UVRAG: variants seen among roughly 807,000 people sequenced by gnomAD.
The protein encoded by UVRAG is UV radiation resistance-associated gene protein.
In UVRAG, 19 loss-of-function variants were observed where a neutral mutation model predicts 78.0. That is an observed-to-expected ratio of 0.24 (90% confidence interval 0.17 to 0.36). The LOEUF (loss-of-function observed/expected upper bound fraction) is 0.36, where lower values mean the gene tolerates loss of function less well. Ranked by LOEUF, UVRAG falls within the 10% of genes least tolerant of loss-of-function variation. The pLI is 1.00. For synonymous variants in UVRAG, 323 were observed against 324.6 expected, an observed-to-expected ratio of 1.00 and a Z score of 0.05; for missense variants, 740 against 853.8, an observed-to-expected ratio of 0.87 and a Z score of 1.66.
intron 13 of UVRAG, among the ~76,000 whole-genome samples, chr11:76,114,799 C>G (rs1952145952): frequency 6.6e-6 from 1 of 152,114 alleles, no homozygotes; most frequent in African/African-American, 2.4e-5. Flanking sequence ...TGTTGTCTTA[C>G]TCTGAAGGCC....
At chr11:75,896,222 G>T (rs1367912941) in intron 5 of UVRAG, among the ~76,000 whole-genome samples, 1 of 152,086 alleles carries the variant, frequency 6.6e-6, no homozygotes, top group Non-Finnish European at 1.5e-5. Flanking sequence ...GGTGAATAAG[G>T]CTGGGTGACC....
intron 6 of UVRAG, among the ~76,000 whole-genome samples, chr11:75,933,931 G>T (rs558015914): frequency 5.3e-4 from 81 of 152,252 alleles, no homozygotes; most frequent in Non-Finnish European, 4.1e-4. Flanking sequence ...CCACTATGGA[G>T]AATAGTTTGG....
rs371008199 is a variant in UVRAG, at chr11:75,882,443, G to T, written c.432+2403G>T. On this transcript the variant is annotated intron_variant, in intron 4 of 14. Transcript: ENST00000356136. ...TGGGAGAATTGCTTGAACCGGGGAG[G>T]TGGAGGTTGTAATGAACCGAGATGG... Among the ~76,000 whole-genome samples, 5 of 151,858 alleles carry T rather than the reference G, an allele frequency of 3.3e-5. No homozygotes were observed. The East Asian group carries it at 9.7e-4, about 29-fold the overall frequency.
chr11:75,964,770 T>C (rs563109498), intron 7 of UVRAG, among the ~76,000 whole-genome samples: 1 of 152,324 alleles, frequency 6.6e-6, no homozygotes, highest in East Asian at 1.9e-4. Context: ...GGTGTGGTTC[T>C]ATAGTTCATT....
chr11:76,032,507 A>G (rs1483864770), intron 12 of UVRAG, among the ~76,000 whole-genome samples: 1 of 152,224 alleles, frequency 6.6e-6, no homozygotes, highest in Admixed American at 6.5e-5. Context: ...AAGAAAGCCA[A>G]CCATGTTTAT....
At chr11:76,025,148 G>A (rs961584418) in intron 12 of UVRAG, among the ~76,000 whole-genome samples, 4 of 152,154 alleles carry the variant, frequency 2.6e-5, no homozygotes, top group African/African-American at 9.7e-5. Flanking sequence ...ATACTGTAAA[G>A]GGAAACTCTG....
chr11:75,948,330 G>A (rs972616960), intron 6 of UVRAG, among the ~76,000 whole-genome samples: 1 of 152,150 alleles, frequency 6.6e-6, no homozygotes, highest in Non-Finnish European at 1.5e-5. Flanking sequence ...GAAAAGGGCA[G>A]AGATTAAAAA....
chr11:75,818,727 T>C (rs1945320660), intron 1 of UVRAG, among the ~76,000 whole-genome samples: 1 of 152,150 alleles, frequency 6.6e-6, no homozygotes, highest in Admixed American at 6.6e-5. Context: ...TCCTCCCACC[T>C]CGGCCTCCCA....
intron 8 of UVRAG, among the ~76,000 whole-genome samples, chr11:75,989,610 A>T (rs1949567706): frequency 1.3e-5 from 2 of 152,198 alleles, no homozygotes; most frequent in African/African-American, 4.8e-5. Context: ...TTTTACCTCT[A>T]TACTTGCTTT....
rs1952717738 is a variant in UVRAG at position 76,141,237 on chromosome 11, G to A, written c.1924G>A (p.Gly642Ser). Reference sequence around the variant, plus strand: ...AGAAATCATCGGGCTGGAAGCCACAGGTTTCGCCTCAGGTGATCAGCTAGA... The same window carrying A: ...AGAAATCATCGGGCTGGAAGCCACAAGTTTCGCCTCAGGTGATCAGCTAGA... Reference protein sequence around the residue: ...AEEIIGLEATGFASGDQLEAF... With the variant: ...AEEIIGLEATSFASGDQLEAF... Residue 642 changes from glycine to serine, a missense_variant, in exon 15 of 15, where the codon GGT becomes AGT. Physicochemically the swap from Gly to Ser is moderately conservative, Grantham distance 56. Transcript: ENST00000356136. 1 of 1,614,074 alleles carries A rather than the reference G, an allele frequency of 6.2e-7. No individual in the cohort carries two copies. The highest frequency in any genetic ancestry group is 8.5e-7 in the Non-Finnish European group (1 of 1,180,046).
intron 13 of UVRAG, among the ~76,000 whole-genome samples, chr11:76,090,465 C>T (rs1224040356): frequency 1.3e-5 from 2 of 152,164 alleles, no homozygotes; most frequent in Non-Finnish European, 2.9e-5. Flanking sequence ...CTATTTCCAG[C>T]TTCTGGCCAG....
intron 13 of UVRAG, among the ~76,000 whole-genome samples, chr11:76,079,313 A>T (rs1187038326): frequency 6.6e-6 from 1 of 151,900 alleles, no homozygotes; most frequent in Non-Finnish European, 1.5e-5. Flanking sequence ...ACAAGACCTC[A>T]TCTCTACAAA....
At chr11:76,112,451 C>G (rs2134461520) in intron 13 of UVRAG, among the ~76,000 whole-genome samples, 1 of 152,258 alleles carries the variant, frequency 6.6e-6, no homozygotes, top group East Asian at 1.9e-4. Context: ...ATAGGATACA[C>G]TCCACCAAGA....
chr11:75,944,453 C>T (rs1319445957), intron 6 of UVRAG, among the ~76,000 whole-genome samples: 2 of 152,124 alleles, frequency 1.3e-5, no homozygotes, highest in Non-Finnish European at 2.9e-5. Context: ...GACTTGCTAT[C>T]TAGAGGGAAA....
intron 13 of UVRAG, among the ~76,000 whole-genome samples, chr11:76,111,866 C>T (rs531476847): frequency 1.5e-4 from 21 of 144,796 alleles, no homozygotes; most frequent in Admixed American, 4.2e-4. Flanking sequence ...GATAAACTAA[C>T]GGCCAAAGAT....
chr11:75,825,234 G>C (rs1032599596), intron 1 of UVRAG, among the ~76,000 whole-genome samples: 1 of 151,478 alleles, frequency 6.6e-6, no homozygotes, highest in Non-Finnish European at 1.5e-5. Context: ...TCAGCCTCCC[G>C]AGTAGCCTCC....
intron 5 of UVRAG, among the ~76,000 whole-genome samples, chr11:75,898,023 C>G (rs1242123398): frequency 2.0e-5 from 3 of 151,430 alleles, no homozygotes; most frequent in African/African-American, 7.3e-5. Context: ...GGCCTGCCAC[C>G]ACGCCCGGCT....
chr11:76,029,692 GA>G (rs1950397534), intron 12 of UVRAG, among the ~76,000 whole-genome samples: 1 of 152,092 alleles, frequency 6.6e-6, no homozygotes, highest in East Asian at 1.9e-4. Context: ...TAGTGAAGAT[GA>G]TGTAAAAAAA....
chr11:75,888,205 C>G (rs972289465), intron 4 of UVRAG, among the ~76,000 whole-genome samples: 13 of 152,214 alleles, frequency 8.5e-5, no homozygotes, highest in Middle Eastern at 3.4e-3. Flanking sequence ...GTGATCATGG[C>G]TCACTGAAGC....
Sources: allele counts gnomAD v4.1 joint callset (sites outside exome capture counted in the v4.1 genomes callset), GRCh38; gene constraint gnomAD v4.1.1; transcripts MANE v1.5; gene names NCBI Gene and HGNC (gene_info 2026-07-23, HGNC 2026-07-21).